The following GNAO1 variants were observed in gnomAD, a reference collection of about 807,000 sequenced individuals.
GNAO1 encodes the protein guanine nucleotide-binding protein G(o) subunit alpha.
For synonymous variants in GNAO1, 164 were observed against 180.7 expected (o/e 0.91, Z 0.74); for missense variants, 166 against 478.7 (o/e 0.35, Z 6.10).
At chr16:56,241,590 A>G (rs1233058930) in intron 2 of GNAO1, among the ~76,000 whole-genome samples, 1 of 152,190 alleles carries the variant, frequency 6.6e-6, no homozygotes, top group African/African-American at 2.4e-5. Flanking sequence ...ACAATGTAAA[A>G]TTTCCTTTTT....
chr16:56,281,105 T>C (rs1017342593), intron 3 of GNAO1, among the ~76,000 whole-genome samples: 40 of 152,262 alleles, frequency 2.6e-4, no homozygotes, highest in Non-Finnish European at 5.0e-4. Flanking sequence ...ATGGAGAGGC[T>C]AAGTGACTTG....
chr16:56,249,105 G>A (rs1423235339), intron 2 of GNAO1, among the ~76,000 whole-genome samples: 2 of 152,202 alleles, frequency 1.3e-5, no homozygotes, highest in East Asian at 1.9e-4. Flanking sequence ...TCCTGGATGT[G>A]TTTTGAAAGT....
At chr16:56,350,246 C>G (rs917007288) in intron 6 of GNAO1, among the ~76,000 whole-genome samples, 2 of 152,168 alleles carry the variant, frequency 1.3e-5, no homozygotes, top group Non-Finnish European at 2.9e-5. Flanking sequence ...ACTTGTGTCA[C>G]TCTTCTTATT....
At chr16:56,229,838 A>G (rs1158731624) in intron 2 of GNAO1, among the ~76,000 whole-genome samples, 1 of 152,162 alleles carries the variant, frequency 6.6e-6, no homozygotes, top group African/African-American at 2.4e-5. Context: ...GTGTCTGTGG[A>G]ATGAACGAAA....
At chr16:56,340,115 T>A (rs1338748495) in intron 6 of GNAO1, among the ~76,000 whole-genome samples, 1 of 152,154 alleles carries the variant, frequency 6.6e-6, no homozygotes, top group Non-Finnish European at 1.5e-5. Context: ...TTTTTCAGTA[T>A]TTTTCTCTCT....
intron 2 of GNAO1, among the ~76,000 whole-genome samples, chr16:56,234,050 A>G (rs2036614770): frequency 6.6e-6 from 1 of 152,144 alleles, no homozygotes; most frequent in Non-Finnish European, 1.5e-5. Context: ...CTAAGCTGGG[A>G]GGTTGATTCA....
intron 2 of GNAO1, among the ~76,000 whole-genome samples, chr16:56,264,401 T>A (rs1392256987): frequency 6.6e-6 from 1 of 152,182 alleles, no homozygotes; most frequent in African/African-American, 2.4e-5. Flanking sequence ...CACTGTGAGC[T>A]GAGGGAAAGG....
At chr16:56,267,767 A>T (rs1477959585) in intron 2 of GNAO1, among the ~76,000 whole-genome samples, 4 of 152,172 alleles carry the variant, frequency 2.6e-5, no homozygotes, top group African/African-American at 9.6e-5. Flanking sequence ...AAGGGCAGGG[A>T]TTGTGTCTGT....
intron 2 of GNAO1, 89 bp from the exon 3 acceptor site, chr16:56,275,842 A>C (rs1306498989): frequency 8.5e-7 from 1 of 1,172,246 alleles, no homozygotes; most frequent in East Asian, 2.7e-5. Flanking sequence ...GACCTGGCCC[A>C]CAGTCAGCCA....
At chr16:56,221,433 T>G (rs1456077797) in intron 2 of GNAO1, among the ~76,000 whole-genome samples, 63 of 151,882 alleles carry the variant, frequency 4.1e-4, no homozygotes, top group Non-Finnish European at 2.9e-5. Flanking sequence ...GTGGATCCCT[T>G]GAGGTCAGGA....
intron 5 of GNAO1, among the ~76,000 whole-genome samples, chr16:56,335,761 C>T (rs967392670): frequency 6.6e-6 from 1 of 152,216 alleles, no homozygotes; most frequent in African/African-American, 2.4e-5. Flanking sequence ...TCAGCTCAAC[C>T]CAGCCCAGCA....
intron 2 of GNAO1, among the ~76,000 whole-genome samples, chr16:56,195,089 T>C (rs2036219918): frequency 2.0e-5 from 2 of 100,838 alleles, no homozygotes; most frequent in African/African-American, 8.0e-5. Context: ...TTTTTTTTTT[T>C]TTTTCCAACC....
At chr16:56,300,036 T>TGTGTGTGTGTGCGCGCGC (rs753591618) in intron 3 of GNAO1, among the ~76,000 whole-genome samples, 1 of 95,112 alleles carries the variant, frequency 1.1e-5, no homozygotes, top group African/African-American at 4.8e-5. Context: ...TGTGTGTGTG[T>TGTGTGTGTGTGCGCGCGC]GCGCGCGCGC....
rs1465793400 is a variant in GNAO1, at chr16:56,313,707, G to C, written c.304-14924G>C. 1.3e-5 allele frequency among the ~76,000 whole-genome samples: 2 copies of C among 152,178 alleles called. 1 individual carries two copies. Among genetic ancestry groups the C allele is most frequent in the South Asian group, 4.1e-4 (2 of 4,834 alleles). ...AAAGGAGAGTTGCAATGTGGAATCT[G>C]AAAGTATATCAATGACCCTTCTTTT... On this transcript the variant is annotated intron_variant, in intron 3 of 8. Coordinates refer to ENST00000262493, the MANE Select transcript of GNAO1 (RefSeq NM_020988.3).
At chr16:56,312,693 A>G (rs932869326) in intron 3 of GNAO1, among the ~76,000 whole-genome samples, 4 of 152,252 alleles carry the variant, frequency 2.6e-5, no homozygotes, top group Admixed American at 6.5e-5. Flanking sequence ...TCTCCTGAGA[A>G]TGAGCCGCAC....
In GNAO1 at chr16:56,344,035, A is replaced by T; in HGVS notation, c.723+7175A>T. ...AACCAGGCTCCACCACTCTCAGACC[A>T]CTCTTTGCACTTGAGGAAGAAGACC... On this transcript the variant is annotated intron_variant, in intron 6 of 8. Transcript: ENST00000262493. 1.9e-6 allele frequency: 3 copies of T among 1,554,196 alleles called. No homozygotes were observed. The South Asian group carries it at 3.6e-5, about 19-fold the overall frequency.
chr16:56,251,023 T>C (rs1203976211), intron 2 of GNAO1, among the ~76,000 whole-genome samples: 4 of 152,204 alleles, frequency 2.6e-5, no homozygotes. Flanking sequence ...AAGCCACAAA[T>C]GTCTAATCTA....
intron 2 of GNAO1, among the ~76,000 whole-genome samples, chr16:56,234,516 A>T (rs1451244602): frequency 6.6e-6 from 1 of 152,244 alleles, no homozygotes. Flanking sequence ...AGCCTTGCCC[A>T]TGAGGCTCTA....
intron 3 of GNAO1, among the ~76,000 whole-genome samples, chr16:56,285,395 C>T (rs1466936865): frequency 6.6e-6 from 1 of 152,154 alleles, no homozygotes; most frequent in African/African-American, 2.4e-5. Flanking sequence ...ATTGCAGCCC[C>T]TCTTCTACCC....
Sources: allele counts gnomAD v4.1 joint callset (sites outside exome capture counted in the v4.1 genomes callset), GRCh38; gene constraint gnomAD v4.1.1; transcripts MANE v1.5; gene names NCBI Gene and HGNC (gene_info 2026-07-23, HGNC 2026-07-21).